VEGFC: variants seen among roughly 807,000 people sequenced by gnomAD.
VEGFC encodes FLT4 ligand DHM.
A neutral mutation model predicts 46.1 loss-of-function variants in VEGFC; 12 were observed. The ratio of observed to expected loss-of-function variants is 0.26; its 90% CI spans 0.17 to 0.42. The LOEUF (loss-of-function observed/expected upper bound fraction) is 0.42, where lower values mean the gene tolerates loss of function less well. Among genes scored for constraint, VEGFC ranks in the 10% least tolerant of loss-of-function variants. The pLI is 1.00. For synonymous variants in VEGFC, 232 were observed against 195.5 expected (o/e 1.19, Z -1.56); for missense variants, 488 against 529.4 (o/e 0.92, Z 0.77).
intron 3 of VEGFC, among the ~76,000 whole-genome samples, chr4:176,726,623 C>T (rs1734878056): frequency 6.6e-6 from 1 of 151,922 alleles, no homozygotes; most frequent in African/African-American, 2.4e-5. Context: ...AACTCAGAGG[C>T]CAAATGATCG....
rs1734369022 is a variant in VEGFC at position 176,698,672 on chromosome 4, T to A, written c.705-10745A>T. Among the ~76,000 whole-genome samples the A allele has an allele frequency of 2.6e-5, 4 of 152,236 alleles. No homozygotes were observed. The South Asian group carries it at 8.3e-4, about 32-fold the overall frequency. On this transcript the variant is annotated intron_variant, in intron 4 of 6. Transcript: ENST00000618562. ...TATACGTTAGGTCTCCAGAGCATAT[T>A]CACCTTGTAACTGCAAGTTGTCACA...
intron 3 of VEGFC, among the ~76,000 whole-genome samples, chr4:176,721,892 G>T (rs1734793180): frequency 6.6e-6 from 1 of 152,086 alleles, no homozygotes; most frequent in African/African-American, 2.4e-5. Flanking sequence ...AAAAGTAGAT[G>T]AGAAAATACA....
In VEGFC at chr4:176,687,218, T is replaced by C. The variant is rs1734056861; in HGVS notation, c.1114A>G (p.Lys372Glu). The change falls in exon 6 of 7, where the codon AAA becomes GAA. Residue 372 changes from lysine to glutamate, a missense_variant. By Grantham distance (56) the Lys-to-Glu change is moderately conservative (BLOSUM62 1). Coordinates refer to ENST00000618562, the MANE Select transcript of VEGFC (RefSeq NM_005429.5). Reference sequence around the variant, plus strand: ...GTTTGGTGGTGGAACTTCTTTCCTTTTAACAAGCATTTCTGTGGACTTTCT... The same window carrying C: ...GTTTGGTGGTGGAACTTCTTTCCTTCTAACAAGCATTTCTGTGGACTTTCT... Reference protein sequence around the residue: ...CTESPQKCLLKGKKFHHQTCS... With the variant: ...CTESPQKCLLEGKKFHHQTCS... 1 of 1,613,202 alleles carries C rather than the reference T, an allele frequency of 6.2e-7. No individual in the cohort carries two copies. Among genetic ancestry groups the C allele is most frequent in the South Asian group, 1.1e-5 (1 of 91,006 alleles).
chr4:176,727,749 C>T (rs745464899), intron 3 of VEGFC, 29 bp downstream of exon 3: 32 of 1,584,266 alleles, frequency 2.0e-5, no homozygotes, highest in Non-Finnish European at 2.7e-5. Context: ...AGGGGGCTCT[C>T]GCAGGTAGCA....
chr4:176,720,747 A>AAGAT (rs1734771940), intron 3 of VEGFC, among the ~76,000 whole-genome samples: 1 of 151,370 alleles, frequency 6.6e-6, no homozygotes. Flanking sequence ...AGGCTGAGGC[A>AAGAT]AGATAATCAC....
chr4:176,685,153 C>T (rs1442217697), intron 6 of VEGFC, among the ~76,000 whole-genome samples: 1 of 152,224 alleles, frequency 6.6e-6, no homozygotes, highest in East Asian at 1.9e-4. Context: ...AAAAACCCTA[C>T]ACAATTTGGT....
chr4:176,734,591 C>T (rs1336527860), intron 1 of VEGFC, among the ~76,000 whole-genome samples: 1 of 151,664 alleles, frequency 6.6e-6, no homozygotes, highest in Non-Finnish European at 1.5e-5. Context: ...CAATCAATGT[C>T]AAATGTGAAG....
At chr4:176,742,436 T>C (rs928877341) in intron 1 of VEGFC, among the ~76,000 whole-genome samples, 1 of 151,978 alleles carries the variant, frequency 6.6e-6, no homozygotes, top group Non-Finnish European at 1.5e-5. Context: ...TTTCCTCTTA[T>C]ATAGTACCAC....
At chr4:176,733,885 T>G (rs1041745296) in intron 1 of VEGFC, among the ~76,000 whole-genome samples, 3 of 151,888 alleles carry the variant, frequency 2.0e-5, no homozygotes, top group Non-Finnish European at 2.9e-5. Flanking sequence ...ACAACCCTAA[T>G]GCTCTTGATT....
chr4:176,774,316 A>C (rs1448348532), intron 1 of VEGFC, among the ~76,000 whole-genome samples: 1 of 152,174 alleles, frequency 6.6e-6, no homozygotes, highest in Non-Finnish European at 1.5e-5. Context: ...TAAACCCAGC[A>C]AAAATTATGA....
At chr4:176,714,439 G>A (rs947995911) in intron 3 of VEGFC, among the ~76,000 whole-genome samples, 1 of 152,084 alleles carries the variant, frequency 6.6e-6, no homozygotes, top group African/African-American at 2.4e-5. Context: ...AGAACCATAA[G>A]CCAATTAAGC....
At chr4:176,725,065 G>T (rs1036980580) in intron 3 of VEGFC, among the ~76,000 whole-genome samples, 2 of 152,126 alleles carry the variant, frequency 1.3e-5, no homozygotes, top group Non-Finnish European at 2.9e-5. Flanking sequence ...TGCAAGAGAA[G>T]TACTGTATTG....
At chr4:176,751,914 G>C (rs567170663) in intron 1 of VEGFC, among the ~76,000 whole-genome samples, 65 of 151,614 alleles carry the variant, frequency 4.3e-4, no homozygotes, top group Non-Finnish European at 2.9e-5. Context: ...CCCACCATGG[G>C]TCCCTGAGGC....
intron 4 of VEGFC, among the ~76,000 whole-genome samples, chr4:176,690,788 T>C (rs1297274157): frequency 1.3e-5 from 2 of 152,218 alleles, no homozygotes; most frequent in Non-Finnish European, 2.9e-5. Flanking sequence ...GTCGCTTCTG[T>C]GTTGATTGAT....
chr4:176,779,761 G>A (rs11731467), intron 1 of VEGFC, among the ~76,000 whole-genome samples: 3 of 151,652 alleles, frequency 2.0e-5, no homozygotes, highest in Non-Finnish European at 1.5e-5. Flanking sequence ...AAGATAAAAG[G>A]CTCCCTATCG....
At chr4:176,708,857 A>G (rs2110996385) in intron 4 of VEGFC, among the ~76,000 whole-genome samples, 1 of 152,330 alleles carries the variant, frequency 6.6e-6, no homozygotes, top group Non-Finnish European at 1.5e-5. Flanking sequence ...CCTTCTGGAT[A>G]CCAGACACTC....
intron 1 of VEGFC, among the ~76,000 whole-genome samples, chr4:176,734,724 T>G (rs1026058978): frequency 6.6e-6 from 1 of 151,864 alleles, no homozygotes; most frequent in Non-Finnish European, 1.5e-5. Context: ...TAAAGGAATG[T>G]AAAAGTATTT....
chr4:176,697,496 A>G (rs1734341333), intron 4 of VEGFC, among the ~76,000 whole-genome samples: 1 of 151,948 alleles, frequency 6.6e-6, no homozygotes. Flanking sequence ...CAGGTGCTGG[A>G]GAGGATGTGG....
intron 1 of VEGFC, among the ~76,000 whole-genome samples, chr4:176,785,014 AAC>A (rs1170614984): frequency 6.6e-6 from 1 of 152,024 alleles, no homozygotes; most frequent in Non-Finnish European, 1.5e-5. Context: ...TGACACAAGC[AAC>A]AGTTATGTGA....
Sources: gnomAD v4.1 joint callset for allele counts (sites outside exome capture counted in the v4.1 genomes callset) on GRCh38, gnomAD v4.1.1 for gene constraint, MANE v1.5 for transcripts, NCBI Gene and HGNC (gene_info 2026-07-23, HGNC 2026-07-21) for gene names.